Variants in SV2C observed in about 807,000 individuals in gnomAD.
The protein encoded by SV2C is synaptic vesicle glycoprotein 2C, also known as solute carrier family 22 member B3.
A neutral mutation model predicts 79.7 loss-of-function variants in SV2C; 49 were observed. The ratio of observed to expected loss-of-function variants is 0.61; its 90% CI spans 0.49 to 0.78. The LOEUF is 0.78. Among genes scored for constraint, SV2C ranks in the 30% least tolerant of loss-of-function variants. The pLI, the probability that SV2C is intolerant of heterozygous loss-of-function variation, is 0.00. For synonymous variants in SV2C, 334 were observed against 333.2 expected (o/e 1.00, Z -0.03); for missense variants, 833 against 912.9 (o/e 0.91, Z 1.13).
the SV2C span, among the ~76,000 whole-genome samples, chr5:76,012,136 G>A: frequency 1.3e-5 from 2 of 152,174 alleles, no homozygotes; most frequent in Non-Finnish European, 1.5e-5. Context: ...TAACGGGATT[G>A]CTGGGTCAAA....
chr5:76,291,125 G>A lies in SV2C; in HGVS notation c.1138-96G>A, dbSNP rs556548431. On this transcript the variant is annotated intron_variant, in intron 6 of 12. Coordinates refer to ENST00000502798, the MANE Select transcript of SV2C (RefSeq NM_014979.4). ...TACCAAATACCGCCTACTTCTTGCC[G>A]GAGTCAGTTTTTGCTCCTGTAAAAA... 1.8e-3 allele frequency: 1,319 copies of A among 713,146 alleles called. 2 individuals carry two copies. The highest frequency in any genetic ancestry group is 2.6e-3 in the Non-Finnish European group (1,137 of 430,240). 44.2% of individuals were successfully genotyped at this position (713,146 alleles called of 1,614,324 possible).
intron 2 of SV2C, among the ~76,000 whole-genome samples, chr5:76,185,292 G>A (rs952207180): frequency 1.3e-5 from 2 of 152,348 alleles, no homozygotes; most frequent in East Asian, 1.9e-4. Flanking sequence ...GGCACATGGT[G>A]CAAGCTGTTG....
At position 76,301,561 on chromosome 5, in the gene SV2C, C is replaced by T. The variant is rs749680521; in HGVS notation, c.2000+16C>T. On this transcript the variant is annotated intron_variant, in intron 12 of 12. Transcript: ENST00000502798. ...CAGACCGGAGGTATGTTGAAATGGG[C>T]CTCTAGTAAGAGGCACTCTAAGCCC... 4 of 1,609,172 alleles carry T rather than the reference C, an allele frequency of 2.5e-6. No individual in the cohort carries two copies. The highest frequency in any genetic ancestry group is 3.3e-5 in the Admixed American group (2 of 59,710).
intron 8 of SV2C, among the ~76,000 whole-genome samples, chr5:76,294,093 T>G (rs1048745362): frequency 7.2e-5 from 11 of 152,150 alleles, no homozygotes; most frequent in African/African-American, 2.7e-4. Context: ...CACTGGAACC[T>G]GGGTTTGTGG....
At chr5:76,320,347 A>G (rs1370481571) in intron 12 of SV2C, among the ~76,000 whole-genome samples, 1 of 152,166 alleles carries the variant, frequency 6.6e-6, no homozygotes, top group Non-Finnish European at 1.5e-5. Context: ...GCTATTCTAC[A>G]TGATACTGTA....
At chr5:76,239,374 T>C (rs555259570) in intron 4 of SV2C, among the ~76,000 whole-genome samples, 5 of 152,344 alleles carry the variant, frequency 3.3e-5, no homozygotes, top group Admixed American at 3.3e-4. Context: ...ACTTGTGCTC[T>C]ATTGCTGCAT....
At chr5:76,313,998 A>G (rs1036552255) in intron 12 of SV2C, among the ~76,000 whole-genome samples, 4 of 152,148 alleles carry the variant, frequency 2.6e-5, no homozygotes, top group African/African-American at 7.2e-5. Flanking sequence ...CAATTTATCT[A>G]TCAATCATAT....
At chr5:75,967,739 C>T in the SV2C span, among the ~76,000 whole-genome samples, 1 of 152,260 alleles carries the variant, frequency 6.6e-6, no homozygotes, top group East Asian at 1.9e-4. Flanking sequence ...GGCTCCACCT[C>T]TGGGGGCAGG....
chr5:76,342,002 A>C (rs1330562738), intron 12 of SV2C, among the ~76,000 whole-genome samples: 1 of 152,216 alleles, frequency 6.6e-6, no homozygotes, highest in Non-Finnish European at 1.5e-5. Flanking sequence ...ACTCCAAGTG[A>C]CTTACCCACA....
intron 4 of SV2C, among the ~76,000 whole-genome samples, chr5:76,273,708 G>T (rs191356647): frequency 4.5e-4 from 69 of 152,262 alleles, no homozygotes; most frequent in African/African-American, 1.6e-3. Context: ...CTTGTTGCTC[G>T]GGCCTGCTCT....
rs560120182 is a variant in SV2C, at chr5:76,269,140, C to A, written c.914-16022C>A. On this transcript the variant is annotated intron_variant, in intron 4 of 12. Coordinates refer to ENST00000502798, the MANE Select transcript of SV2C (RefSeq NM_014979.4). ...ATACTTCTTGTTTGAAGGTGGTGAG[C>A]CTGTCCTGTGTATTATAAGATGTTT... Among the ~76,000 whole-genome samples, 4 of 152,194 alleles carry A rather than the reference C, an allele frequency of 2.6e-5. No homozygotes were observed. In the South Asian group the frequency reaches 8.3e-4, roughly 32 times the overall value.
the SV2C span, among the ~76,000 whole-genome samples, chr5:76,000,743 GT>G: frequency 6.6e-6 from 1 of 152,144 alleles, no homozygotes; most frequent in Non-Finnish European, 1.5e-5. Flanking sequence ...TGGGGGAGCT[GT>G]TTCTCACACT....
intron 2 of SV2C, among the ~76,000 whole-genome samples, chr5:76,140,886 G>C (rs6453203): frequency 0.37 from 55,778 of 151,916 alleles, 10,443 homozygotes; most frequent in South Asian, 0.45. Flanking sequence ...TGCACCCTCT[G>C]TCTCTGTTTA....
chr5:76,312,311 G>A (rs1392593743), intron 12 of SV2C, among the ~76,000 whole-genome samples: 1 of 151,888 alleles, frequency 6.6e-6, no homozygotes, highest in Non-Finnish European at 1.5e-5. Flanking sequence ...GGAGTGCAGT[G>A]ACGCAATCTC....
At chr5:75,982,876 C>T in the SV2C span, among the ~76,000 whole-genome samples, 1 of 152,156 alleles carries the variant, frequency 6.6e-6, no homozygotes, top group Non-Finnish European at 1.5e-5. Context: ...GAAAACCAAA[C>T]ACCGCATGTT....
At chr5:75,911,408 C>T in the SV2C span, 1 of 1,096,044 alleles carries the variant, frequency 9.1e-7, no homozygotes. Flanking sequence ...AGGACGTCAG[C>T]ACCCCCTAGT....
At chr5:75,932,783 T>C in the SV2C span, among the ~76,000 whole-genome samples, 6 of 152,248 alleles carry the variant, frequency 3.9e-5, no homozygotes, top group Non-Finnish European at 8.8e-5. Flanking sequence ...CATGAGCATG[T>C]CACATTGCTA....
At chr5:75,923,358 T>G in the SV2C span, among the ~76,000 whole-genome samples, 1 of 152,224 alleles carries the variant, frequency 6.6e-6, no homozygotes, top group East Asian at 1.9e-4. Flanking sequence ...GACATTGGCT[T>G]AGGCAAAGAA....
intron 4 of SV2C, among the ~76,000 whole-genome samples, chr5:76,254,148 A>G (rs1746193821): frequency 6.9e-6 from 1 of 145,214 alleles, no homozygotes; most frequent in Admixed American, 6.8e-5. Context: ...GTGTTATTAT[A>G]TATATATATA....
Sources: allele counts gnomAD v4.1 joint callset (sites outside exome capture counted in the v4.1 genomes callset), GRCh38; gene constraint gnomAD v4.1.1; transcripts MANE v1.5; gene names NCBI Gene and HGNC (gene_info 2026-07-23, HGNC 2026-07-21).